The following SHOC1 variants were observed in gnomAD, a reference collection of about 807,000 sequenced individuals.
SHOC1 encodes the protein shortage in chiasmata 1.
A neutral mutation model predicts 179.2 loss-of-function variants in SHOC1; 136 were observed. That is an observed-to-expected ratio of 0.76 (90% confidence interval 0.66 to 0.87). The LOEUF (loss-of-function observed/expected upper bound fraction) is 0.87, where lower values mean the gene tolerates loss of function less well. Ranked by LOEUF, SHOC1 falls within the 40% of genes least tolerant of loss-of-function variation. The probability of loss-of-function intolerance (pLI) is 0.00; values close to 1 mark genes in which losing one functional copy is unlikely to be tolerated. For missense variants in SHOC1, 1,538 were observed against 1,700.8 expected (o/e 0.90, Z 1.68); for synonymous variants, 489 against 586.6 (o/e 0.83, Z 2.41).
chr9:111,747,697 C>T (rs1419920941), intron 9 of SHOC1, among the ~76,000 whole-genome samples: 1 of 152,146 alleles, frequency 6.6e-6, no homozygotes, highest in Non-Finnish European at 1.5e-5. Context: ...TCTCGTGCCT[C>T]AGCCTCCTGA....
chr9:111,758,476 G>A (rs1369670637), intron 6 of SHOC1, among the ~76,000 whole-genome samples: 2 of 152,216 alleles, frequency 1.3e-5, no homozygotes, highest in Non-Finnish European at 2.9e-5. Context: ...CACGCCTGTA[G>A]TCTCAGCAAG....
At chr9:111,756,573 CA>C in intron 7 of SHOC1, 95 bp from the exon 8 acceptor site, 5 of 1,030,290 alleles carry the variant, frequency 4.9e-6, no homozygotes, top group Non-Finnish European at 7.1e-6. Flanking sequence ...AATGATGTGC[CA>C]AATTTTAAAC....
At chr9:111,689,348 A>AATC (rs1554707165) in intron 27 of SHOC1, among the ~76,000 whole-genome samples, 1 of 146,558 alleles carries the variant, frequency 6.8e-6, no homozygotes, top group Non-Finnish European at 1.5e-5. Context: ...TAATAATAAT[A>AATC]ATTATTATTA....
At chr9:111,779,098 CAA>C (rs1186097509) in intron 4 of SHOC1, among the ~76,000 whole-genome samples, 7 of 109,476 alleles carry the variant, frequency 6.4e-5, no homozygotes, top group Admixed American at 9.5e-5. Flanking sequence ...GACTCTGTGT[CAA>C]AAAAAAAAAA....
At chr9:111,777,981 A>T (rs1008151003) in intron 4 of SHOC1, among the ~76,000 whole-genome samples, 1 of 152,208 alleles carries the variant, frequency 6.6e-6, no homozygotes, top group Non-Finnish European at 1.5e-5. Context: ...ATCGTTATAT[A>T]CTGAACTTAG....
chr9:111,754,571 T>C (rs10981054), intron 8 of SHOC1, among the ~76,000 whole-genome samples: 28,683 of 152,156 alleles, frequency 0.19, 2,903 homozygotes, highest in Non-Finnish European at 0.22. Context: ...AAGTTAAACA[T>C]AGAGTTACCA....
intron 22 of SHOC1, 40 bp from the exon 23 acceptor site, chr9:111,702,266 G>C: frequency 8.2e-7 from 1 of 1,226,488 alleles, no homozygotes; most frequent in Non-Finnish European, 1.2e-6. Context: ...TCATTAGGTT[G>C]AACAGTTATT....
At position 111,758,619 on chromosome 9, in the gene SHOC1, C is replaced by T. The variant is rs1422169797; in HGVS notation, c.596+76G>A. 2.3e-6 allele frequency: 3 copies of T among 1,316,048 alleles called. No individual in the cohort carries two copies. The African/African-American group carries it at 4.5e-5, about 20-fold the overall frequency. The allele number at this position is 1,316,048 out of a possible 1,614,324, so 81.5% of individuals were successfully genotyped here. A position where few individuals can be genotyped will look rare whatever the true frequency, so the allele number is the denominator to read the frequency against. On this transcript the variant is annotated intron_variant, in intron 6 of 27. Coordinates refer to ENST00000682961, the MANE Select transcript of SHOC1 (RefSeq NM_001378211.1). ...AAACAAAAAAAAACATTGTTGATAA[C>T]ATCTAAGCTTGTGATCATACTAAAA...
chr9:111,793,844 TTTAA>T (rs981791569), intron 1 of SHOC1, among the ~76,000 whole-genome samples: 2 of 152,020 alleles, frequency 1.3e-5, no homozygotes, highest in African/African-American at 4.8e-5. Flanking sequence ...ATGATGATGA[TTTAA>T]TTAATTAATC....
At chr9:111,759,333 T>G in intron 5 of SHOC1, 1 of 1,542,870 alleles carries the variant, frequency 6.5e-7, no homozygotes, top group Non-Finnish European at 8.7e-7. Context: ...TGAGACTGAT[T>G]CTATTATTCT....
intron 12 of SHOC1, among the ~76,000 whole-genome samples, chr9:111,735,339 CCAA>C (rs1237511859): frequency 6.6e-6 from 1 of 152,084 alleles, no homozygotes; most frequent in Admixed American, 6.6e-5. Context: ...CCGTTAGCCC[CCAA>C]CCCCACAACA....
chr9:111,702,798 G>A (rs561632065), intron 22 of SHOC1, among the ~76,000 whole-genome samples: 1 of 152,156 alleles, frequency 6.6e-6, no homozygotes, highest in Non-Finnish European at 1.5e-5. Context: ...CTAACAATAA[G>A]TTATATAATT....
intron 1 of SHOC1, among the ~76,000 whole-genome samples, chr9:111,794,358 T>C (rs1053044858): frequency 6.9e-6 from 1 of 144,462 alleles, no homozygotes; most frequent in Admixed American, 6.9e-5. Flanking sequence ...CCGAGGCGGG[T>C]GGATCACTTG....
intron 23 of SHOC1, among the ~76,000 whole-genome samples, chr9:111,701,250 C>T (rs1199291988): frequency 2.0e-5 from 3 of 152,102 alleles, no homozygotes; most frequent in African/African-American, 7.2e-5. Flanking sequence ...CTAATTTGGT[C>T]AGTTGATTAA....
Position 111,692,195 on chromosome 9 carries a change from T to A in SHOC1, c.3782A>T (p.Lys1261Ile). ...AGGAGTATTCTGCCCTATATTAGAT[T>A]TACAGCTGGAGTCTTTCCAGTAGCT... Reference protein sequence around the residue: ...QTSYWKDSSCKSNIGQNTPFL... With the variant: ...QTSYWKDSSCISNIGQNTPFL... The change falls in exon 27 of 28, where the codon AAA becomes ATA. Residue 1261 changes from lysine (K) to isoleucine (I), a missense_variant. Lys to Ile is a moderately radical substitution (Grantham distance 102). Coordinates refer to ENST00000682961, the MANE Select transcript of SHOC1 (RefSeq NM_001378211.1). 1 of 1,613,810 alleles carries A rather than the reference T, an allele frequency of 6.2e-7. No homozygotes were observed. The highest frequency in any genetic ancestry group is 8.5e-7 in the Non-Finnish European group (1 of 1,179,786).
chr9:111,705,395 C>A, intron 20 of SHOC1, 31 bp from the exon 21 acceptor site: 2 of 1,096,044 alleles, frequency 1.8e-6, no homozygotes, highest in South Asian at 1.8e-5. Context: ...AAATATTTCT[C>A]TTTTATTCTC....
Position 111,704,934 on chromosome 9 carries a change from A to C in SHOC1, c.2855+313T>G, listed in dbSNP as rs1285425173. ...AAATGTTCATATTTGCTGGTAACAA[A>C]AGAAATGCAAGTAAAACATGAATTT... is the stretch of plus-strand genomic sequence containing the variant. On this transcript the variant is annotated intron_variant, in intron 21 of 27. Coordinates refer to ENST00000682961, the MANE Select transcript of SHOC1 (RefSeq NM_001378211.1). 2.0e-5 allele frequency among the ~76,000 whole-genome samples: 3 copies of C among 152,178 alleles called. No homozygotes were observed. The East Asian group carries it at 5.8e-4, about 29-fold the overall frequency.
At position 111,748,814 on chromosome 9, in the gene SHOC1, TCCTC is replaced by T. The variant is rs1302688229; in HGVS notation, c.863-619_863-616del. The stretch of plus-strand genomic sequence containing the variant: ...TCCCCCCCTTCCTTCCTTCCTTCCT[TCCTC>T]CCTCCCTTCCTCTCTCCCTCCCTCC... On this transcript the variant is annotated intron_variant, in intron 8 of 27. Coordinates refer to ENST00000682961, the MANE Select transcript of SHOC1 (RefSeq NM_001378211.1). 1.7e-4 allele frequency among the ~76,000 whole-genome samples: 16 copies of T among 96,902 alleles called. No homozygotes were observed. The East Asian group carries it at 3.5e-3, about 21-fold the overall frequency. 63.6% of individuals were successfully genotyped at this position (96,902 alleles called of 152,430 possible).
At chr9:111,778,715 G>A (rs542324124) in intron 4 of SHOC1, among the ~76,000 whole-genome samples, 159 of 139,702 alleles carry the variant, frequency 1.1e-3, no homozygotes, top group African/African-American at 4.1e-3. Flanking sequence ...AGGTTGCAGT[G>A]AACCAAGGTC....
Sources: gnomAD v4.1 joint callset for allele counts (sites outside exome capture counted in the v4.1 genomes callset) on GRCh38, gnomAD v4.1.1 for gene constraint, MANE v1.5 for transcripts, NCBI Gene and HGNC (gene_info 2026-07-23, HGNC 2026-07-21) for gene names.